The following ATP6AP2 variants were observed in gnomAD, a reference collection of about 807,000 sequenced individuals.
ATP6AP2 encodes the protein renin receptor.
A neutral mutation model predicts 23.4 loss-of-function variants in ATP6AP2; 1 was observed. That is an observed-to-expected ratio of 0.04 (90% CI 0.02 to 0.20). ATP6AP2 has a LOEUF of 0.20. Ranked by LOEUF, ATP6AP2 falls within the 10% of genes least tolerant of loss-of-function variation. The pLI, the probability that ATP6AP2 is intolerant of heterozygous loss-of-function variation, is 1.00. For missense variants in ATP6AP2, 174 were observed against 271.3 expected (o/e 0.64, Z 2.52); for synonymous variants, 90 against 97.1 (o/e 0.93, Z 0.43).
chrX:40,598,856 A>T, intron 6 of ATP6AP2, 122 bp downstream of exon 6: 1 of 692,804 alleles, frequency 1.4e-6, no homozygotes, highest in Non-Finnish European at 2.2e-6. Flanking sequence ...TCCCATGAAA[A>T]TTGAAAAATT....
At chrX:40,602,326 G>A (rs1036785124) in intron 8 of ATP6AP2, among the ~76,000 whole-genome samples, 2 of 97,812 alleles carry the variant, frequency 2.0e-5, no homozygotes, top group African/African-American at 4.8e-5. Flanking sequence ...AGTTCAGCTC[G>A]CAAGAAAGGG....
chrX:40,590,010 G>T (rs2968919), intron 2 of ATP6AP2: 20 of 110,333 alleles, frequency 1.8e-4, no homozygotes, highest in African/African-American at 6.3e-4. Context: ...AAAGTGAACA[G>T]GATTGGTTGT....
intron 5 of ATP6AP2, 25 bp from the exon 6 acceptor site, chrX:40,598,656 C>T: frequency 8.3e-7 from 1 of 1,198,641 alleles, no homozygotes; most frequent in East Asian, 3.0e-5. Flanking sequence ...TAAAAGAATG[C>T]TCTTTTTTTT....
In ATP6AP2 at chrX:40,602,417, G is replaced by A. The variant is rs901851070; in HGVS notation, c.858+1536G>A. 7.0e-5 allele frequency among the ~76,000 whole-genome samples: 7 copies of A among 100,009 alleles called. 1 individual carries two copies. Among genetic ancestry groups the A allele is most frequent in the African/African-American group, 9.2e-5 (2 of 21,821 alleles). The allele number at this position is 100,009 out of a possible 115,157, so 86.8% of individuals were successfully genotyped here. On this transcript the variant is annotated intron_variant, in intron 8 of 8. Transcript: ENST00000636580. The stretch of plus-strand genomic sequence containing the variant: ...TGTAATCCCAGCACTTTGGGAGGCC[G>A]AGGTGGGTGGATCACAAGGTTAGGA...
intron 2 of ATP6AP2, chrX:40,591,014 A>G: frequency 5.0e-6 from 2 of 401,791 alleles, no homozygotes; most frequent in Non-Finnish European, 8.4e-6. Flanking sequence ...ATTGGACTTT[A>G]TTTCAAATCT....
chrX:40,584,776 T>G (rs911530615), intron 1 of ATP6AP2, among the ~76,000 whole-genome samples: 1 of 111,153 alleles, frequency 9.0e-6, no homozygotes, highest in Non-Finnish European at 1.9e-5. Flanking sequence ...CTGTCTAACT[T>G]GTGTATTTTT....
chrX:40,593,664 G>A (rs955246204), intron 3 of ATP6AP2, among the ~76,000 whole-genome samples: 2 of 109,447 alleles, frequency 1.8e-5, no homozygotes, highest in African/African-American at 6.7e-5. Flanking sequence ...ATGCCACCAC[G>A]CCCAGCTAAT....
rs1927046000 is a variant in ATP6AP2, at chrX:40,605,355, G to A, written c.859-206G>A. ...ATTAGGTATTGTCCAGTTTTCCCAAGCATTTGGACTGGTTTATACTTCCAC... is the reference window on the plus strand; with the variant it reads ...ATTAGGTATTGTCCAGTTTTCCCAAACATTTGGACTGGTTTATACTTCCAC... On this transcript the variant is annotated intron_variant, in intron 8 of 8. Coordinates refer to ENST00000636580, the MANE Select transcript of ATP6AP2 (RefSeq NM_005765.3). 3 of 426,710 alleles carry A rather than the reference G, an allele frequency of 7.0e-6. No individual in the cohort carries two copies. In the South Asian group the frequency reaches 1.1e-4, roughly 16 times the overall value. The allele number at this position is 426,710 out of a possible 1,213,427, so 35.2% of individuals were successfully genotyped here. A position where few individuals can be genotyped will look rare whatever the true frequency, so the allele number is the denominator to read the frequency against.
Position 40,580,984 on chromosome X carries a change from C to A in ATP6AP2, c.-82C>A. On this transcript the variant is annotated 5_prime_UTR_variant, in exon 1 of 9. Transcript: ENST00000636580. ...GGAGCCTGGACGAGTCCGAGCGCGTCACCTCCTCACGCTGCGGCTGTCGCC... is the reference window on the plus strand; with the variant it reads ...GGAGCCTGGACGAGTCCGAGCGCGTAACCTCCTCACGCTGCGGCTGTCGCC... 2 of 1,114,257 alleles carry A rather than the reference C, an allele frequency of 1.8e-6. No individual in the cohort carries two copies. Among genetic ancestry groups the A allele is most frequent in the South Asian group, 3.9e-5 (2 of 51,581 alleles). The allele number at this position is 1,114,257 out of a possible 1,213,427, so 91.8% of individuals were successfully genotyped here.
chrX:40,598,744 C>G lies in ATP6AP2; in HGVS notation c.588+10C>G, dbSNP rs764729963. 3 of 1,203,199 alleles carry G rather than the reference C, an allele frequency of 2.5e-6. No homozygotes were observed. Among genetic ancestry groups the G allele is most frequent in the Non-Finnish European group, 3.4e-6 (3 of 888,927 alleles). On this transcript the variant is annotated intron_variant, in intron 6 of 8. Coordinates refer to ENST00000636580, the MANE Select transcript of ATP6AP2 (RefSeq NM_005765.3). Reference sequence around the variant, plus strand: ...TGATATTTCAAGCTTGGTAAGTAGGCTGCTCTAATTTTTTAATTCCATTTA... The same window carrying G: ...TGATATTTCAAGCTTGGTAAGTAGGGTGCTCTAATTTTTTAATTCCATTTA...
At chrX:40,583,558 G>T (rs1261606534) in intron 1 of ATP6AP2, among the ~76,000 whole-genome samples, 1 of 111,674 alleles carries the variant, frequency 9.0e-6, no homozygotes, top group Non-Finnish European at 1.9e-5. Flanking sequence ...TAATGCTTTG[G>T]GTTTTGCCTC....
rs745734335 is a variant in ATP6AP2 at position 40,597,584 on chromosome X, C to T, written c.454C>T (p.Arg152Cys). The T allele has an allele frequency of 4.1e-6, 5 of 1,207,656 alleles. 1 individual carries two copies. Among genetic ancestry groups the T allele is most frequent in the East Asian group, 5.9e-5 (2 of 33,803 alleles). Residue 152 changes from arginine (R) to cysteine (C), a missense_variant, in exon 5 of 9, where the codon CGC becomes TGC. Coordinates refer to ENST00000636580, the MANE Select transcript of ATP6AP2 (RefSeq NM_005765.3). ...GTTTGAAGACCTTTCAGTCACCTTG[C>T]GCCAGCTCCGTAATCGCCTGTTTCA... ...SVFEDLSVTL[R>C]QLRNRLFQEN... is the part of the protein sequence containing the mutation.
At chrX:40,584,798 G>A (rs1926424611) in intron 1 of ATP6AP2, among the ~76,000 whole-genome samples, 1 of 111,277 alleles carries the variant, frequency 9.0e-6, no homozygotes, top group Non-Finnish European at 1.9e-5. Context: ...TGGTAGAGAC[G>A]GGGTTTCACT....
chrX:40,590,527 C>T (rs1926602638), intron 2 of ATP6AP2: 1 of 111,252 alleles, frequency 9.0e-6, no homozygotes, highest in Non-Finnish European at 1.9e-5. Flanking sequence ...CACAGGCGTA[C>T]AACACCATGC....
chrX:40,598,492 C>T, intron 5 of ATP6AP2, 189 bp from the exon 6 acceptor site: 1 of 477,458 alleles, frequency 2.1e-6, no homozygotes, highest in East Asian at 3.8e-5. Flanking sequence ...ATGGCCATCA[C>T]CTTTTTGTTA....
chrX:40,583,442 G>A (rs1926378810), intron 1 of ATP6AP2, among the ~76,000 whole-genome samples: 1 of 111,877 alleles, frequency 8.9e-6, no homozygotes, highest in African/African-American at 3.3e-5. Flanking sequence ...ATGTGTAAAA[G>A]CATGGCGATG....
chrX:40,587,611 A>G (rs1297994383), intron 1 of ATP6AP2, among the ~76,000 whole-genome samples: 2 of 112,630 alleles, frequency 1.8e-5, no homozygotes, highest in Non-Finnish European at 3.8e-5. Flanking sequence ...GGTCAAGAGA[A>G]TAACACTGAT....
At chrX:40,588,601 C>A (rs1373387206) in intron 1 of ATP6AP2, among the ~76,000 whole-genome samples, 1 of 110,850 alleles carries the variant, frequency 9.0e-6, no homozygotes, top group Non-Finnish European at 1.9e-5. Flanking sequence ...CTAATTCCTG[C>A]CAAATTGCCA....
rs187375382 is a variant in ATP6AP2 at position 40,587,886 on chromosome X, T to G, written c.38-1100T>G. 1.4e-4 allele frequency among the ~76,000 whole-genome samples: 16 copies of G among 112,459 alleles called. No individual in the cohort carries two copies. The East Asian group carries it at 4.5e-3, about 31-fold the overall frequency. ...CAGACCCTGTCTCTAAAAAAATAAC[T>G]AGGTACAAATTTCATCCTTAAATGT... On this transcript the variant is annotated intron_variant, in intron 1 of 8. Coordinates refer to ENST00000636580, the MANE Select transcript of ATP6AP2 (RefSeq NM_005765.3).
Sources: allele counts gnomAD v4.1 joint callset (sites outside exome capture counted in the v4.1 genomes callset), GRCh38; gene constraint gnomAD v4.1.1; transcripts MANE v1.5; gene names NCBI Gene and HGNC (gene_info 2026-07-23, HGNC 2026-07-21).